The following KRTAP10-10 variants were observed in gnomAD, a reference collection of about 807,000 sequenced individuals.
KRTAP10-10 encodes keratin associated protein 10-10, also known as keratin-associated protein 10-10.
For synonymous variants in KRTAP10-10, 139 were observed against 137.6 expected, an observed-to-expected ratio of 1.01 and a Z score of -0.07; for missense variants, 324 against 319.9, an observed-to-expected ratio of 1.01 and a Z score of -0.10.
rs781894255 is a variant in KRTAP10-10, at chr21:44,638,081, C to A, written c.664C>A (p.Arg222Ser). The A allele has an allele frequency of 1.9e-6, 3 of 1,613,634 alleles. No homozygotes were observed. In the South Asian group the frequency reaches 3.3e-5, roughly 18 times the overall value. Reference protein sequence around the residue: ...SASSCQPSCCRTASCVSLLCR... With the variant: ...SASSCQPSCCSTASCVSLLCR... The stretch of plus-strand genomic sequence containing the variant: ...CTCCTCCTGCCAGCCCAGCTGCTGC[C>A]GCACGGCCTCCTGTGTTTCCCTCCT... Residue 222 changes from arginine to serine, a missense_variant, in exon 1 of 1, where the codon CGC (arginine) becomes AGC (serine). Physicochemically the swap from Arg to Ser is moderately radical, Grantham distance 110 (BLOSUM62 -1). Transcript: ENST00000380095.
At position 44,637,754 on chromosome 21, in the gene KRTAP10-10, G is replaced by A; in HGVS notation, c.337G>A (p.Val113Met). The change falls in exon 1 of 1, where the codon GTG becomes ATG. Residue 113 changes from valine to methionine, a missense_variant. Physicochemically the swap from Val to Met is conservative, Grantham distance 21. Coordinates refer to ENST00000380095, the MANE Select transcript of KRTAP10-10 (RefSeq NM_181688.3). ...CTGCGTGCCCGTCTGTAACAAGCCT[G>A]TGTGCTTCGTGCCTACCTGCTCCGA... ...VCCVPVCNKP[V>M]CFVPTCSESS... is the part of the protein sequence containing the mutation. The A allele has an allele frequency of 2.2e-6, 3 of 1,336,832 alleles. No individual in the cohort carries two copies. Among genetic ancestry groups the A allele is most frequent in the South Asian group, 2.7e-5 (2 of 72,740 alleles). The allele number at this position is 1,336,832 out of a possible 1,614,324, so 82.8% of individuals were successfully genotyped here. A position where few individuals can be genotyped will look rare whatever the true frequency, so the allele number is the denominator to read the frequency against.
rs1983771178 is a variant in KRTAP10-10, at chr21:44,638,059, C to A, written c.642C>A (p.Ser214=). The A allele has an allele frequency of 6.2e-7, 1 of 1,613,214 alleles. No homozygotes were observed. The highest frequency in any genetic ancestry group is 1.3e-5 in the African/African-American group (1 of 74,846). ...VPVPSCGASA[S]SCQPSCCRTA... The stretch of plus-strand genomic sequence containing the variant: ...TCCCCTCCTGCGGTGCCTCTGCCTC[C>A]TCCTGCCAGCCCAGCTGCTGCCGCA... Residue 214 remains serine (S), a synonymous_variant, in exon 1 of 1, where the codon TCC becomes TCA. Coordinates refer to ENST00000380095, the MANE Select transcript of KRTAP10-10 (RefSeq NM_181688.3).
Position 44,637,976 on chromosome 21 carries a change from T to A in KRTAP10-10, c.559T>A (p.Ser187Thr), listed in dbSNP as rs781901765. ...CTGCACCGCCTCCTGCTGCAGACCCTCCTCCTCCGTGTCCCTCCTCTGCCA... is the reference window on the plus strand; with the variant it reads ...CTGCACCGCCTCCTGCTGCAGACCCACCTCCTCCGTGTCCCTCCTCTGCCA... ...ACCTASCCRP[S>T]SSVSLLCHPV... Residue 187 changes from serine (S) to threonine (T), a missense_variant, in exon 1 of 1, where the codon TCC becomes ACC. Physicochemically the swap from Ser to Thr is moderately conservative, Grantham distance 58. Transcript: ENST00000380095. 6.2e-7 allele frequency: 1 copy of A among 1,613,652 alleles called. No homozygotes were observed. Among genetic ancestry groups the A allele is most frequent in the Non-Finnish European group, 8.5e-7 (1 of 1,179,926 alleles).
chr21:44,637,707 CTGTCTGCTGTGTG>C, the KRTAP10-10 span: 1 of 344,996 alleles, frequency 2.9e-6, no homozygotes, highest in African/African-American at 6.1e-5. Flanking sequence ...TGCTGTGTGC[CTGTCTGCTGTGTG>C]CCCGTCTGCT....
Position 44,638,027 on chromosome 21 carries a change from G to A in KRTAP10-10, c.610G>A (p.Val204Met), listed in dbSNP as rs148110670. ...CCCTGTGTGCAAGTCCACCTGCTGC[G>A]TGCCCGTCCCCTCCTGCGGTGCCTC... ...CHPVCKSTCCVPVPSCGASAS... is the reference protein window; with the variant it reads ...CHPVCKSTCCMPVPSCGASAS... Residue 204 changes from valine to methionine, a missense_variant, in exon 1 of 1, where the codon GTG (valine) becomes ATG (methionine). Transcript: ENST00000380095. 3.6e-4 allele frequency: 588 copies of A among 1,613,242 alleles called. 5 individuals carry two copies. In the African/African-American group the frequency reaches 6.7e-3, roughly 18 times the overall value.
chr21:44,637,811 T>G lies in KRTAP10-10; in HGVS notation c.394T>G (p.Cys132Gly), dbSNP rs781991923. The change falls in exon 1 of 1, where the codon TGC becomes GGC. Residue 132 changes from cysteine (C) to glycine (G), a missense_variant. By Grantham distance (159) the Cys-to-Gly change is radical. Coordinates refer to ENST00000380095, the MANE Select transcript of KRTAP10-10 (RefSeq NM_181688.3). ...SSPSCCQQSS[C>G]QPTCCTSSPC... is the part of the protein sequence containing the mutation. ...CCCTTCATGCTGCCAGCAGTCTAGC[T>G]GCCAGCCAACTTGCTGCACCTCCTC... 7.3e-7 allele frequency: 1 copy of G among 1,368,730 alleles called. No homozygotes were observed. The highest frequency in any genetic ancestry group is 1.3e-5 in the South Asian group (1 of 74,608). 84.8% of individuals were successfully genotyped at this position (1,368,730 alleles called of 1,614,324 possible).
At chr21:44,637,706 CCTGTCTGCTG>C in the KRTAP10-10 span, 8 of 341,120 alleles carry the variant, frequency 2.3e-5, no homozygotes, top group Non-Finnish European at 3.4e-5. Context: ...CTGCTGTGTG[CCTGTCTGCTG>C]TGTGCCCGTC....
Position 44,637,729 on chromosome 21 carries a change from C to T in KRTAP10-10, c.312C>T (p.Cys104=). 8.2e-7 allele frequency: 1 copy of T among 1,218,068 alleles called. No individual in the cohort carries two copies. Among genetic ancestry groups the T allele is most frequent in the African/African-American group, 1.8e-5 (1 of 55,648 alleles). The allele number at this position is 1,218,068 out of a possible 1,614,324, so 75.5% of individuals were successfully genotyped here. The change falls in exon 1 of 1, where the codon TGC becomes TGT. Residue 104 remains cysteine, a synonymous_variant. Coordinates refer to ENST00000380095, the MANE Select transcript of KRTAP10-10 (RefSeq NM_181688.3). ...CCVPVCCVPV[C]CVPVCNKPVC... ...TGCCTGTCTGCTGTGTGCCCGTCTG[C>T]TGCGTGCCCGTCTGTAACAAGCCTG...
At chr21:44,638,140 C>A in the KRTAP10-10 span, 2 of 1,612,892 alleles carry the variant, frequency 1.2e-6, no homozygotes, top group Non-Finnish European at 1.7e-6. Flanking sequence ...CTGCCTGCTA[C>A]AGCCTCTGCT....
chr21:44,638,254 T>C lies in KRTAP10-10; in HGVS notation c.*81T>C. On this transcript the variant is annotated 3_prime_UTR_variant, in exon 1 of 1. Transcript: ENST00000380095. ...CCCAGCAAGCTCTGCCCTCTCTGGC[T>C]TTGACACCCTCAGAAGGTGGGGCAG... The C allele has an allele frequency of 6.5e-7, 1 of 1,526,984 alleles. No individual in the cohort carries two copies. Among genetic ancestry groups the C allele is most frequent in the African/African-American group, 1.4e-5 (1 of 72,052 alleles). The allele number at this position is 1,526,984 out of a possible 1,614,324, so 94.6% of individuals were successfully genotyped here. A position where few individuals can be genotyped will look rare whatever the true frequency, so the allele number is the denominator to read the frequency against.
rs1983735395 is a variant in KRTAP10-10, at chr21:44,637,827, G to A, written c.410G>A (p.Cys137Tyr). The stretch of plus-strand genomic sequence containing the variant: ...CAGTCTAGCTGCCAGCCAACTTGCT[G>A]CACCTCCTCCCCATGCCAGCAGGCC... ...CQQSSCQPTC[C>Y]TSSPCQQACC... Residue 137 changes from cysteine (C) to tyrosine (Y), a missense_variant, in exon 1 of 1, where the codon TGC (cysteine) becomes TAC (tyrosine). Cys to Tyr is a radical substitution (Grantham distance 194). Transcript: ENST00000380095. 5 of 1,384,166 alleles carry A rather than the reference G, an allele frequency of 3.6e-6. No homozygotes were observed. The highest frequency in any genetic ancestry group is 2.0e-5 in the Admixed American group (1 of 49,286). The allele number at this position is 1,384,166 out of a possible 1,614,324, so 85.7% of individuals were successfully genotyped here.
In KRTAP10-10 at chr21:44,638,063, T is replaced by G. The variant is rs782419092; in HGVS notation, c.646T>G (p.Cys216Gly). Reference sequence around the variant, plus strand: ...CTCCTGCGGTGCCTCTGCCTCCTCCTGCCAGCCCAGCTGCTGCCGCACGGC... The same window carrying G: ...CTCCTGCGGTGCCTCTGCCTCCTCCGGCCAGCCCAGCTGCTGCCGCACGGC... Reference protein sequence around the residue: ...VPSCGASASSCQPSCCRTASC... With the variant: ...VPSCGASASSGQPSCCRTASC... Residue 216 changes from cysteine to glycine, a missense_variant, in exon 1 of 1, where the codon TGC becomes GGC. Transcript: ENST00000380095. 49 of 1,613,278 alleles carry G rather than the reference T, an allele frequency of 3.0e-5. 1 individual carries two copies. In the South Asian group the frequency reaches 5.1e-4, roughly 17 times the overall value.
Position 44,638,081 on chromosome 21 carries a change from C to T in KRTAP10-10, c.664C>T (p.Arg222Cys), listed in dbSNP as rs781894255. The change falls in exon 1 of 1, where the codon CGC (arginine) becomes TGC (cysteine). Residue 222 changes from arginine (R) to cysteine (C), a missense_variant. Physicochemically the swap from Arg to Cys is radical, Grantham distance 180. Coordinates refer to ENST00000380095, the MANE Select transcript of KRTAP10-10 (RefSeq NM_181688.3). ...SASSCQPSCC[R>C]TASCVSLLCR... Reference sequence around the variant, plus strand: ...CTCCTCCTGCCAGCCCAGCTGCTGCCGCACGGCCTCCTGTGTTTCCCTCCT... The same window carrying T: ...CTCCTCCTGCCAGCCCAGCTGCTGCTGCACGGCCTCCTGTGTTTCCCTCCT... 15 of 1,613,632 alleles carry T rather than the reference C, an allele frequency of 9.3e-6. No homozygotes were observed. Among genetic ancestry groups the T allele is most frequent in the Admixed American group, 1.7e-5 (1 of 59,944 alleles).
chr21:44,637,800 A>T lies in KRTAP10-10; in HGVS notation c.383A>T (p.Gln128Leu), dbSNP rs782299390. Residue 128 changes from glutamine to leucine, a missense_variant, in exon 1 of 1, where the codon CAG becomes CTG. Coordinates refer to ENST00000380095, the MANE Select transcript of KRTAP10-10 (RefSeq NM_181688.3). Reference sequence around the variant, plus strand: ...TCCGAGTCTTCCCCTTCATGCTGCCAGCAGTCTAGCTGCCAGCCAACTTGC... The same window carrying T: ...TCCGAGTCTTCCCCTTCATGCTGCCTGCAGTCTAGCTGCCAGCCAACTTGC... ...TCSESSPSCC[Q>L]QSSCQPTCCT... The T allele has an allele frequency of 5.1e-6, 7 of 1,367,028 alleles. No individual in the cohort carries two copies. The South Asian group carries it at 9.4e-5, about 18-fold the overall frequency. 84.7% of individuals were successfully genotyped at this position (1,367,028 alleles called of 1,614,324 possible). A position where few individuals can be genotyped will look rare whatever the true frequency, so the allele number is the denominator to read the frequency against.
At position 44,637,613 on chromosome 21, in the gene KRTAP10-10, T is replaced by C; in HGVS notation, c.196T>C (p.Tyr66His). The C allele has an allele frequency of 6.2e-7, 1 of 1,613,962 alleles. No individual in the cohort carries two copies. ...ACEPSACQSG[Y>H]TSSCTTPCYQ... ...TGAGCCCAGCGCCTGCCAATCAGGC[T>C]ACACCAGCTCCTGCACAACCCCATG... Residue 66 changes from tyrosine (Y) to histidine (H), a missense_variant, in exon 1 of 1, where the codon TAC becomes CAC. By Grantham distance (83) the Tyr-to-His change is moderately conservative. Coordinates refer to ENST00000380095, the MANE Select transcript of KRTAP10-10 (RefSeq NM_181688.3).
In KRTAP10-10 at chr21:44,637,751, C is replaced by A. The variant is rs1404466696; in HGVS notation, c.334C>A (p.Pro112Thr). Reference protein sequence around the residue: ...PVCCVPVCNKPVCFVPTCSES... With the variant: ...PVCCVPVCNKTVCFVPTCSES... The stretch of plus-strand genomic sequence containing the variant: ...CTGCTGCGTGCCCGTCTGTAACAAG[C>A]CTGTGTGCTTCGTGCCTACCTGCTC... The change falls in exon 1 of 1, where the codon CCT becomes ACT. Residue 112 changes from proline to threonine, a missense_variant. Transcript: ENST00000380095. The A allele has an allele frequency of 6.7e-6, 9 of 1,338,156 alleles. No homozygotes were observed. The highest frequency in any genetic ancestry group is 6.1e-6 in the Non-Finnish European group (6 of 978,828). 82.9% of individuals were successfully genotyped at this position (1,338,156 alleles called of 1,614,324 possible).
At position 44,637,660 on chromosome 21, in the gene KRTAP10-10, G is replaced by T; in HGVS notation, c.243G>T (p.Gln81His). The part of the protein sequence containing the change: ...TTPCYQQSSC[Q>H]PDCCTSSPCQ... ...CATGCTACCAGCAGTCTAGCTGCCA[G>T]CCGGATTGCTGCACCTCCTCCCCCT... The change falls in exon 1 of 1, where the codon CAG (glutamine) becomes CAT (histidine). Residue 81 changes from glutamine to histidine, a missense_variant. Coordinates refer to ENST00000380095, the MANE Select transcript of KRTAP10-10 (RefSeq NM_181688.3). The T allele has an allele frequency of 6.3e-7, 1 of 1,581,788 alleles. No homozygotes were observed. Among genetic ancestry groups the T allele is most frequent in the Non-Finnish European group, 8.6e-7 (1 of 1,162,348 alleles).
rs587715796 is a variant in KRTAP10-10 at position 44,637,371 on chromosome 21, T to A, written c.-47T>A. The A allele has an allele frequency of 6.4e-7, 1 of 1,573,208 alleles. No individual in the cohort carries two copies. Among genetic ancestry groups the A allele is most frequent in the East Asian group, 2.2e-5 (1 of 44,616 alleles). ...CTCACACACACACTCACTCACACAC[T>A]CACTCACTCACACACCTCCCCCAGC... On this transcript the variant is annotated 5_prime_UTR_variant, in exon 1 of 1. Coordinates refer to ENST00000380095, the MANE Select transcript of KRTAP10-10 (RefSeq NM_181688.3).
rs886831152 is a variant in KRTAP10-10 at position 44,638,360 on chromosome 21, G to C, written c.*187G>C. On this transcript the variant is annotated 3_prime_UTR_variant, in exon 1 of 1. Transcript: ENST00000380095. The stretch of plus-strand genomic sequence containing the variant: ...CTGTGGGACCCCAGCTACTCCCCCA[G>C]ACCCAAGTTCTGCAGAACTAACCCC... 17 of 360,236 alleles carry C rather than the reference G, an allele frequency of 4.7e-5. No homozygotes were observed. Among genetic ancestry groups the C allele is most frequent in the Non-Finnish European group, 7.3e-5 (15 of 206,094 alleles). The allele number at this position is 360,236 out of a possible 1,614,324, so 22.3% of individuals were successfully genotyped here. A position where few individuals can be genotyped will look rare whatever the true frequency, so the allele number is the denominator to read the frequency against.
Sources: gnomAD v4.1 joint callset for allele counts on GRCh38, gnomAD v4.1.1 for gene constraint, MANE v1.5 for transcripts, NCBI Gene and HGNC (gene_info 2026-07-23, HGNC 2026-07-21) for gene names.